The following CPM variants were observed in gnomAD, a reference collection of about 807,000 sequenced individuals.
The protein encoded by CPM is carboxypeptidase M, also known as renal carboxypeptidase.
In CPM, 35 loss-of-function variants were observed where a neutral mutation model predicts 46.4. That is an observed-to-expected ratio of 0.75 (90% confidence interval 0.58 to 1.00). The LOEUF (loss-of-function observed/expected upper bound fraction) is 1.00, where lower values mean the gene tolerates loss of function less well. Ranked by LOEUF, CPM falls within the 50% of genes least tolerant of loss-of-function variation. The pLI is 0.00. For missense variants in CPM, 422 were observed against 530.4 expected (o/e 0.80, Z 2.01); for synonymous variants, 195 against 195.3 (o/e 1.00, Z 0.01).
At position 68,932,711 on chromosome 12, in the gene CPM, T is replaced by C; in HGVS notation, c.127A>G (p.Thr43Ala). ...GATTTCCCAATACTGTGTAAGTGAG[T>C]GACAGAACTGTAGTTTTGGGCAACA... ...KTVAQNYSSV[T>A]HLHSIGKSVK... The change falls in exon 2 of 9, where the codon ACT (threonine) becomes GCT (alanine). Residue 43 changes from threonine to alanine, a missense_variant. By Grantham distance (58) the Thr-to-Ala change is moderately conservative. Transcript: ENST00000551568. 1 of 1,614,100 alleles carries C rather than the reference T, an allele frequency of 6.2e-7. No individual in the cohort carries two copies. The highest frequency in any genetic ancestry group is 8.5e-7 in the Non-Finnish European group (1 of 1,180,004).
Position 68,872,454 on chromosome 12 carries a change from T to C in CPM, c.259-498A>G, listed in dbSNP as rs557315662. ...TTTTAGTAGAGATGGGGTTTCACTA[T>C]GTTGGCCAGGCTGGTCTTGAACTCC... On this transcript the variant is annotated intron_variant, in intron 3 of 8. Coordinates refer to ENST00000551568, the MANE Select transcript of CPM (RefSeq NM_198320.5). Among the ~76,000 whole-genome samples, 5 of 152,228 alleles carry C rather than the reference T, an allele frequency of 3.3e-5. No homozygotes were observed. The South Asian group carries it at 6.2e-4, about 19-fold the overall frequency.
chr12:68,920,693 C>CTT lies in CPM; in HGVS notation c.160+11983_160+11984dup, dbSNP rs11391172. ...AAGCTTTTTTTTTCTTTTTCTTTTT[C>CTT]TTTTTCTTTTTTTTTTTTAGACAGA... On this transcript the variant is annotated intron_variant, in intron 2 of 8. Coordinates refer to ENST00000551568, the MANE Select transcript of CPM (RefSeq NM_198320.5). Among the ~76,000 whole-genome samples the CTT allele has an allele frequency of 1.0e-3, 134 of 131,800 alleles. 4 individuals are homozygous for CTT. The highest frequency in any genetic ancestry group is 2.7e-3 in the African/African-American group (90 of 32,864). 86.5% of individuals were successfully genotyped at this position (131,800 alleles called of 152,430 possible).
Position 68,885,881 on chromosome 12 carries a change from G to T in CPM, c.169C>A (p.Leu57Met). 2 of 1,613,312 alleles carry T rather than the reference G, an allele frequency of 1.2e-6. No individual in the cohort carries two copies. The highest frequency in any genetic ancestry group is 1.7e-6 in the Non-Finnish European group (2 of 1,179,734). The change falls in exon 3 of 9, where the codon CTG becomes ATG. Residue 57 changes from leucine (L) to methionine (M), a missense_variant. Leu to Met is a conservative substitution (Grantham distance 15, BLOSUM62 2). Transcript: ENST00000551568. ...AACCGCCCCACAACAAGAACCCACA[G>T]GTTTCTACCTTTACAGGAAAAGAAG... ...SIGKSVKGRN[L>M]WVLVVGRFPK...
intron 2 of CPM, among the ~76,000 whole-genome samples, chr12:68,917,289 C>T (rs751620828): frequency 1.3e-5 from 2 of 152,268 alleles, no homozygotes; most frequent in African/African-American, 2.4e-5. Context: ...ATGACATCTG[C>T]GTTTATTGGT....
Position 68,869,320 on chromosome 12 carries a change from C to G in CPM, c.787+5G>C, listed in dbSNP as rs376144839. The stretch of plus-strand genomic sequence containing the variant: ...GGAGAATGGAAGAAATGAAGAGAAA[C>G]TCACCTTGGAGTGGATACCAAGAGT... On this transcript the variant is annotated splice_donor_5th_base_variant and intron_variant, in intron 6 of 8. Coordinates refer to ENST00000551568, the MANE Select transcript of CPM (RefSeq NM_198320.5). 1.2e-4 allele frequency: 192 copies of G among 1,609,122 alleles called. No individual in the cohort carries two copies. The highest frequency in any genetic ancestry group is 1.6e-4 in the Non-Finnish European group (185 of 1,178,882).
At chr12:68,872,386 G>A (rs778735467) in intron 3 of CPM, among the ~76,000 whole-genome samples, 2 of 151,464 alleles carry the variant, frequency 1.3e-5, no homozygotes, top group African/African-American at 4.9e-5. Context: ...CTGAGTAGCT[G>A]GGATTACAGG....
intron 1 of CPM, among the ~76,000 whole-genome samples, chr12:68,960,321 G>A (rs1889089708): frequency 6.6e-6 from 1 of 152,162 alleles, no homozygotes; most frequent in African/African-American, 2.4e-5. Context: ...AAGATAAATG[G>A]GGTGACTAAC....
Position 68,870,292 on chromosome 12 carries a change from G to A in CPM, c.539C>T (p.Thr180Ile), listed in dbSNP as rs1885635748. 6.2e-7 allele frequency: 1 copy of A among 1,614,102 alleles called. No homozygotes were observed. Among genetic ancestry groups the A allele is most frequent in the Non-Finnish European group, 8.5e-7 (1 of 1,180,046 alleles). The change falls in exon 5 of 9, where the codon ACA (threonine) becomes ATA (isoleucine). Residue 180 changes from threonine (T) to isoleucine (I), a missense_variant. Coordinates refer to ENST00000551568, the MANE Select transcript of CPM (RefSeq NM_198320.5). ...ETVAVMKWLK[T>I]ETFVLSANLH... ...GTTTGCAGAGAGGACAAACGTCTCT[G>A]TTTTCAGCCACTTCATGACTGCCAC... is the stretch of plus-strand genomic sequence containing the variant.
At chr12:68,934,496 C>G (rs963146075), upstream of CPM, among the ~76,000 whole-genome samples, 1 of 152,202 alleles carries the variant, frequency 6.6e-6, no homozygotes, top group Non-Finnish European at 1.5e-5. Flanking sequence ...GGTTTAAGAA[C>G]TGAGGCGCTC....
intron 7 of CPM, among the ~76,000 whole-genome samples, chr12:68,862,557 G>A (rs1295587416): frequency 7.2e-6 from 1 of 139,814 alleles, no homozygotes; most frequent in Non-Finnish European, 1.6e-5. Flanking sequence ...ACCTAAAGAT[G>A]GTTCTTCCAG....
At chr12:68,921,707 T>C (rs1269325878) in intron 2 of CPM, among the ~76,000 whole-genome samples, 3 of 152,156 alleles carry the variant, frequency 2.0e-5, no homozygotes, top group Non-Finnish European at 2.9e-5. Context: ...CCTCTCTAAG[T>C]TATCATATTA....
chr12:68,942,149 CTGTA>C (rs1888775429), intron 1 of CPM, among the ~76,000 whole-genome samples: 1 of 152,078 alleles, frequency 6.6e-6, no homozygotes, highest in Non-Finnish European at 1.5e-5. Context: ...TTTTTTAGAA[CTGTA>C]TGTCTTTTTA....
chr12:68,906,046 G>C (rs1887332622), intron 2 of CPM, among the ~76,000 whole-genome samples: 2 of 152,122 alleles, frequency 1.3e-5, no homozygotes, highest in African/African-American at 4.8e-5. Flanking sequence ...TGGTGGTTTC[G>C]CTTCAAGATG....
At chr12:68,932,974 T>C in intron 1 of CPM, 134 bp from the exon 2 acceptor site, 1 of 740,480 alleles carries the variant, frequency 1.4e-6, no homozygotes, top group East Asian at 2.7e-5. Flanking sequence ...AGGCAAAAGC[T>C]GGAAGCAACA....
chr12:68,885,981 C>T, intron 2 of CPM, 92 bp from the exon 3 acceptor site: 1 of 1,045,104 alleles, frequency 9.6e-7, no homozygotes, highest in Non-Finnish European at 1.4e-6. Flanking sequence ...GATGCTGCTT[C>T]CCCCACTTGA....
rs35952022 is a variant in CPM, at chr12:68,855,023, A to AT, written c.*1413dup. 0.2 allele frequency: 28,995 copies of AT among 144,100 alleles called. 2,936 individuals carry two copies. Among genetic ancestry groups the AT allele is most frequent in the Middle Eastern group, 0.31 (87 of 282 alleles). The allele number at this position is 144,100 out of a possible 1,614,324, so 8.9% of individuals were successfully genotyped here. On this transcript the variant is annotated 3_prime_UTR_variant, in exon 9 of 9. Transcript: ENST00000551568. Reference sequence around the variant, plus strand: ...AGGCATGCACCACCACGCCCGACTAATTTTTTTTTTTTTTTTAGTAGAGAT... The same window carrying AT: ...AGGCATGCACCACCACGCCCGACTAATTTTTTTTTTTTTTTTTAGTAGAGAT...
intron 4 of CPM, among the ~76,000 whole-genome samples, chr12:68,870,966 G>GCCATGT (rs1885668107): frequency 6.6e-6 from 1 of 152,240 alleles, no homozygotes. Flanking sequence ...ACGTGGAACA[G>GCCATGT]CCATGTTTAA....
rs144731700 is a variant in CPM, at chr12:68,866,970, C to T, written c.866G>A (p.Arg289His). Residue 289 changes from arginine (R) to histidine (H), a missense_variant, in exon 7 of 9, where the codon CGT becomes CAT. By Grantham distance (29) the Arg-to-His change is conservative. Transcript: ENST00000551568. The stretch of plus-strand genomic sequence containing the variant: ...CCAAAAGGATGGAAGCTTCTCCTCA[C>T]GAGGATATTTACAGCATGACAGCTC... ...TLELSCCKYP[R>H]EEKLPSFWNN... The T allele has an allele frequency of 6.7e-5, 108 of 1,613,988 alleles. No individual in the cohort carries two copies. The highest frequency in any genetic ancestry group is 1.2e-4 in the African/African-American group (9 of 74,920).
At chr12:68,915,367 T>C (rs566107794) in intron 2 of CPM, among the ~76,000 whole-genome samples, 2 of 152,328 alleles carry the variant, frequency 1.3e-5, no homozygotes, top group South Asian at 2.1e-4. Flanking sequence ...TCTCATCTCC[T>C]TGGCATACAA....
Sources: gnomAD v4.1 joint callset for allele counts (sites outside exome capture counted in the v4.1 genomes callset) on GRCh38, gnomAD v4.1.1 for gene constraint, MANE v1.5 for transcripts, NCBI Gene and HGNC (gene_info 2026-07-23, HGNC 2026-07-21) for gene names.